Variants in CREB5 observed in about 807,000 individuals in gnomAD.
The protein encoded by CREB5 is cyclic AMP-responsive element-binding protein 5.
In CREB5, 19 loss-of-function variants were observed where a neutral mutation model predicts 57.1. The ratio of observed to expected loss-of-function variants is 0.33; its 90% CI spans 0.23 to 0.49. CREB5 has a LOEUF of 0.49. Ranked by LOEUF, CREB5 falls within the 20% of genes least tolerant of loss-of-function variation. CREB5 has a pLI of 0.99. For missense variants in CREB5, 579 were observed against 671.6 expected (o/e 0.86, Z 1.52); for synonymous variants, 238 against 238.3 (o/e 1.00, Z 0.01).
chr7:28,658,339 A>G (rs889063964), intron 5 of CREB5, among the ~76,000 whole-genome samples: 5 of 152,240 alleles, frequency 3.3e-5, no homozygotes, highest in Non-Finnish European at 5.9e-5. Flanking sequence ...AATTGTGGCC[A>G]AAACAATAGT....
chr7:28,794,491 G>A lies in CREB5; in HGVS notation c.703-9708G>A, dbSNP rs1418573273. On this transcript the variant is annotated intron_variant, in intron 7 of 10. Coordinates refer to ENST00000357727, the MANE Select transcript of CREB5 (RefSeq NM_182898.4). ...CATTTAGTGACTTTAAAATTCCCAG[G>A]GAAACTAGCATATAATATTTTCTAG... Among the ~76,000 whole-genome samples the A allele has an allele frequency of 5.3e-5, 8 of 152,216 alleles. No homozygotes were observed. In the East Asian group the frequency reaches 1.2e-3, roughly 22 times the overall value.
chr7:28,551,624 C>G (rs1197347146), intron 4 of CREB5, among the ~76,000 whole-genome samples: 1 of 152,184 alleles, frequency 6.6e-6, no homozygotes, highest in Non-Finnish European at 1.5e-5. Context: ...TGTTTACCTT[C>G]TATTTAAAAG....
In CREB5 at chr7:28,821,606, C is replaced by T. The variant is rs1318297712; in HGVS notation, c.*2327C>T. 1.3e-5 allele frequency: 2 copies of T among 151,984 alleles called. No homozygotes were observed. The highest frequency in any genetic ancestry group is 4.8e-5 in the African/African-American group (2 of 41,406). The allele number at this position is 151,984 out of a possible 1,614,324, so 9.4% of individuals were successfully genotyped here. ...GTTGTTTTTTAAATTCCAACAGTAA[C>T]AGCTGAATGGTTTAATCTGACTGGC... is the stretch of plus-strand genomic sequence containing the variant. On this transcript the variant is annotated 3_prime_UTR_variant, in exon 11 of 11. Coordinates refer to ENST00000357727, the MANE Select transcript of CREB5 (RefSeq NM_182898.4).
chr7:28,493,603 G>C (rs1205561144), intron 2 of CREB5, among the ~76,000 whole-genome samples: 1 of 152,168 alleles, frequency 6.6e-6, no homozygotes, highest in East Asian at 1.9e-4. Context: ...ATGCTAGAGT[G>C]TCTTACACCA....
At chr7:28,775,086 C>G (rs1806542912) in intron 7 of CREB5, among the ~76,000 whole-genome samples, 1 of 152,116 alleles carries the variant, frequency 6.6e-6, no homozygotes, top group South Asian at 2.1e-4. Flanking sequence ...TTTCCGTGTC[C>G]TTTGAATTCT....
At chr7:28,737,503 C>CTG (rs1319124794) in intron 7 of CREB5, among the ~76,000 whole-genome samples, 3 of 142,276 alleles carry the variant, frequency 2.1e-5, no homozygotes, top group South Asian at 2.2e-4. Context: ...CTCTCTCTCT[C>CTG]TCTGTGTGTG....
chr7:28,451,036 G>A (rs17156709), intron 1 of CREB5, among the ~76,000 whole-genome samples: 2,744 of 152,278 alleles, frequency 0.018, 87 homozygotes, highest in African/African-American at 0.059. Context: ...TGATTTTTCA[G>A]TTGCTGTAAC....
intron 7 of CREB5, among the ~76,000 whole-genome samples, chr7:28,790,271 A>C (rs549000088): frequency 6.6e-6 from 1 of 152,218 alleles, no homozygotes; most frequent in Non-Finnish European, 1.5e-5. Flanking sequence ...TTATCCAACC[A>C]TAATAAATTG....
chr7:28,693,426 C>T (rs1156465955), intron 5 of CREB5, among the ~76,000 whole-genome samples: 6 of 152,140 alleles, frequency 3.9e-5, no homozygotes, highest in Non-Finnish European at 5.9e-5. Context: ...TGTGCTGACA[C>T]GGCAGACAGT....
intron 1 of CREB5, among the ~76,000 whole-genome samples, chr7:28,432,389 T>A (rs1220451418): frequency 6.6e-6 from 1 of 152,210 alleles, no homozygotes. Context: ...CATCTATGGC[T>A]GTCGCTCGTA....
rs201330604 is a variant in CREB5 at position 28,695,653 on chromosome 7, T to G, written c.465-23100T>G. Among the ~76,000 whole-genome samples the G allele has an allele frequency of 5.3e-5, 8 of 152,268 alleles. No individual in the cohort carries two copies. In the East Asian group the frequency reaches 1.5e-3, roughly 29 times the overall value. On this transcript the variant is annotated intron_variant, in intron 5 of 10. Transcript: ENST00000357727. ...TGGGGTAAATGTCCTGGAGTCCAGCTCTTTGCTTCCCACCACTCTCTTCTC... is the reference window on the plus strand; with the variant it reads ...TGGGGTAAATGTCCTGGAGTCCAGCGCTTTGCTTCCCACCACTCTCTTCTC...
intron 4 of CREB5, among the ~76,000 whole-genome samples, chr7:28,524,745 G>A (rs1035185246): frequency 9.9e-5 from 15 of 152,178 alleles, no homozygotes; most frequent in Non-Finnish European, 2.9e-5. Context: ...TGTGATAGAT[G>A]TGTTATTTTG....
intron 1 of CREB5, among the ~76,000 whole-genome samples, chr7:28,317,683 T>G (rs921870002): frequency 6.6e-6 from 1 of 152,240 alleles, no homozygotes; most frequent in East Asian, 1.9e-4. Flanking sequence ...AGAATTAAAT[T>G]AGGTAATCTA....
intron 4 of CREB5, among the ~76,000 whole-genome samples, chr7:28,560,891 T>TGTGTGTGTGC (rs1562797545): frequency 5.1e-5 from 1 of 19,726 alleles, no homozygotes; most frequent in Non-Finnish European, 9.3e-5. Flanking sequence ...TGCGTGCGTG[T>TGTGTGTGTGC]GTGTGCGTGC....
chr7:28,663,432 T>C (rs1799689711), intron 5 of CREB5, among the ~76,000 whole-genome samples: 1 of 152,166 alleles, frequency 6.6e-6, no homozygotes, highest in Admixed American at 6.5e-5. Context: ...CTCAAACTCT[T>C]GGGCTCAAGA....
chr7:28,694,009 T>G (rs963144492), intron 5 of CREB5, among the ~76,000 whole-genome samples: 3 of 152,168 alleles, frequency 2.0e-5, no homozygotes, highest in Non-Finnish European at 4.4e-5. Flanking sequence ...AAAACGAGGT[T>G]TCAGCTCTCA....
At chr7:28,636,715 A>T (rs1363534195) in intron 5 of CREB5, among the ~76,000 whole-genome samples, 1 of 152,088 alleles carries the variant, frequency 6.6e-6, no homozygotes, top group African/African-American at 2.4e-5. Context: ...TATGCTATTT[A>T]TCTACTTGGA....
chr7:28,386,315 T>C (rs1442184831), intron 1 of CREB5, among the ~76,000 whole-genome samples: 1 of 152,216 alleles, frequency 6.6e-6, no homozygotes, highest in East Asian at 1.9e-4. Context: ...TGTAAAATTC[T>C]ATGATGATCG....
intron 7 of CREB5, among the ~76,000 whole-genome samples, chr7:28,797,243 C>T (rs1808102062): frequency 6.6e-6 from 1 of 152,188 alleles, no homozygotes; most frequent in South Asian, 2.1e-4. Flanking sequence ...ATTAGATCCG[C>T]TGAAGGTCTA....
Sources: gnomAD v4.1 joint callset for allele counts (sites outside exome capture counted in the v4.1 genomes callset) on GRCh38, gnomAD v4.1.1 for gene constraint, MANE v1.5 for transcripts, NCBI Gene and HGNC (gene_info 2026-07-23, HGNC 2026-07-21) for gene names.